Variants in ZDHHC2 observed in about 807,000 individuals in gnomAD.
The protein encoded by ZDHHC2 is palmitoyltransferase ZDHHC2.
ZDHHC2 carries 51 observed loss-of-function variants against 55.6 expected under a neutral mutation model. That is an observed-to-expected ratio of 0.92 (90% CI 0.73 to 1.16). ZDHHC2 has a LOEUF of 1.16. ZDHHC2 is among the 50% of genes most tolerant of loss of function. ZDHHC2 has a pLI of 0.00. For synonymous variants in ZDHHC2, 199 were observed against 152.9 expected (o/e 1.30, Z -2.22); for missense variants, 491 against 442.4 (o/e 1.11, Z -0.99).
At chr8:17,212,317 G>A (rs1807425910) in intron 10 of ZDHHC2, among the ~76,000 whole-genome samples, 1 of 152,180 alleles carries the variant, frequency 6.6e-6, no homozygotes, top group East Asian at 1.9e-4. Context: ...CAACTAAACA[G>A]GTTCAGAGCA....
intron 10 of ZDHHC2, among the ~76,000 whole-genome samples, chr8:17,214,659 A>G (rs143112606): frequency 2.2e-4 from 33 of 152,276 alleles, no homozygotes; most frequent in African/African-American, 7.9e-4. Context: ...ATGTAATCCT[A>G]GCACTTTGGG....
intron 1 of ZDHHC2, among the ~76,000 whole-genome samples, chr8:17,177,957 A>C (rs1805232424): frequency 6.6e-6 from 1 of 152,234 alleles, no homozygotes; most frequent in Non-Finnish European, 1.5e-5. Context: ...TTAAGAAAAT[A>C]AATGTTAAAA....
At chr8:17,172,578 C>G (rs1804913318) in intron 1 of ZDHHC2, among the ~76,000 whole-genome samples, 1 of 151,956 alleles carries the variant, frequency 6.6e-6, no homozygotes, top group African/African-American at 2.4e-5. Flanking sequence ...GAGTAGATCT[C>G]AAGTCTTCTT....
At chr8:17,199,562 T>TTCGTCTTCGTCTTCG in intron 6 of ZDHHC2, among the ~76,000 whole-genome samples, 1 of 80,786 alleles carries the variant, frequency 1.2e-5, no homozygotes, top group East Asian at 3.0e-4. Context: ...CGTCTTCGTC[T>TTCGTCTTCGTCTTCG]TCTTCGTCTT....
intron 5 of ZDHHC2, among the ~76,000 whole-genome samples, chr8:17,197,893 A>G (rs1025457144): frequency 6.6e-6 from 1 of 152,172 alleles, no homozygotes; most frequent in African/African-American, 2.4e-5. Flanking sequence ...AGCAGTTCTG[A>G]CTTGGCTGGT....
chr8:17,210,682 A>C (rs1807335239), intron 10 of ZDHHC2, among the ~76,000 whole-genome samples: 1 of 152,220 alleles, frequency 6.6e-6, no homozygotes, highest in South Asian at 2.1e-4. Context: ...GGTGTTATTA[A>C]TCTAAGTGTG....
intron 8 of ZDHHC2, among the ~76,000 whole-genome samples, chr8:17,209,030 C>T (rs192479088): frequency 6.6e-5 from 10 of 152,140 alleles, no homozygotes; most frequent in Admixed American, 5.9e-4. Flanking sequence ...AATCATTATA[C>T]CTCCATGTTC....
At chr8:17,185,962 C>T (rs1805685181) in intron 2 of ZDHHC2, among the ~76,000 whole-genome samples, 1 of 152,138 alleles carries the variant, frequency 6.6e-6, no homozygotes, top group Non-Finnish European at 1.5e-5. Context: ...GTTCTTAAAG[C>T]CTGAGTGTTT....
intron 1 of ZDHHC2, among the ~76,000 whole-genome samples, chr8:17,172,744 G>C (rs990512446): frequency 6.6e-5 from 10 of 152,136 alleles, no homozygotes; most frequent in Admixed American, 3.9e-4. Context: ...TTTTAGGAGT[G>C]TGCCTGTGTA....
chr8:17,184,644 C>T (rs954020301), intron 1 of ZDHHC2, 145 bp from the exon 2 acceptor site: 15 of 698,194 alleles, frequency 2.1e-5, no homozygotes, highest in Non-Finnish European at 3.5e-5. Flanking sequence ...GCTCACCTCT[C>T]CTCCAAATAA....
chr8:17,208,316 A>C lies in ZDHHC2; in HGVS notation c.730+224A>C, dbSNP rs1011263949. On this transcript the variant is annotated intron_variant, in intron 8 of 12. Transcript: ENST00000262096. ...TATGTATATATATATGAGACTATAT[A>C]TATATCTATATATAGATATATAGAT... 2.7e-5 allele frequency among the ~76,000 whole-genome samples: 4 copies of C among 149,690 alleles called. No homozygotes were observed. The East Asian group carries it at 5.8e-4, about 22-fold the overall frequency.
chr8:17,198,369 T>C lies in ZDHHC2; in HGVS notation c.444-12T>C. 2 of 1,600,608 alleles carry C rather than the reference T, an allele frequency of 1.2e-6. No homozygotes were observed. Among genetic ancestry groups the C allele is most frequent in the Admixed American group, 1.7e-5 (1 of 58,074 alleles). On this transcript the variant is annotated splice_polypyrimidine_tract_variant and intron_variant, in intron 5 of 12. Coordinates refer to ENST00000262096, the MANE Select transcript of ZDHHC2 (RefSeq NM_016353.5). Reference sequence around the variant, plus strand: ...TGGGGTATTAGGTTTTGTGTTCTGCTTTGTTTTTTAGATGTATTTTGAAGA... The same window carrying C: ...TGGGGTATTAGGTTTTGTGTTCTGCCTTGTTTTTTAGATGTATTTTGAAGA...
rs1807984641 is a variant in ZDHHC2, at chr8:17,222,992, G to A, written c.*2771G>A. On this transcript the variant is annotated 3_prime_UTR_variant, in exon 13 of 13. Coordinates refer to ENST00000262096, the MANE Select transcript of ZDHHC2 (RefSeq NM_016353.5). ...TCAATAGACAACTATTGGAAATATG[G>A]CATATGTTGACAAACACTTAACTAG... 1 of 151,724 alleles carries A rather than the reference G, an allele frequency of 6.6e-6. No individual in the cohort carries two copies. The highest frequency in any genetic ancestry group is 6.6e-5 in the Admixed American group (1 of 15,216). The allele number at this position is 151,724 out of a possible 1,614,324, so 9.4% of individuals were successfully genotyped here.
intron 1 of ZDHHC2, among the ~76,000 whole-genome samples, chr8:17,174,526 C>T (rs1198820551): frequency 2.6e-5 from 4 of 152,028 alleles, no homozygotes; most frequent in Admixed American, 1.3e-4. Context: ...AACACACAGT[C>T]ACTAGTTTTT....
At chr8:17,217,760 A>G (rs1305706446) in intron 12 of ZDHHC2, among the ~76,000 whole-genome samples, 1 of 152,114 alleles carries the variant, frequency 6.6e-6, no homozygotes, top group Non-Finnish European at 1.5e-5. Context: ...TTAAAATAAT[A>G]GGTGTTCCAA....
intron 1 of ZDHHC2, chr8:17,157,465 A>G (rs1309450765): frequency 1.3e-5 from 2 of 152,280 alleles, no homozygotes; most frequent in Admixed American, 6.5e-5. Flanking sequence ...ACACTAAACC[A>G]TAATTTAGGT....
intron 6 of ZDHHC2, among the ~76,000 whole-genome samples, chr8:17,202,480 G>A (rs1413802560): frequency 2.6e-5 from 4 of 152,106 alleles, no homozygotes; most frequent in Non-Finnish European, 5.9e-5. Context: ...CAGAAACAGG[G>A]CCAACAGCTG....
At chr8:17,190,816 A>G (rs1805986174) in intron 3 of ZDHHC2, among the ~76,000 whole-genome samples, 1 of 152,084 alleles carries the variant, frequency 6.6e-6, no homozygotes, top group South Asian at 2.1e-4. Context: ...TAAATTGGGT[A>G]TCAGTTACCA....
At chr8:17,203,514 G>A (rs1197115041) in intron 6 of ZDHHC2, among the ~76,000 whole-genome samples, 5 of 152,084 alleles carry the variant, frequency 3.3e-5, no homozygotes, top group South Asian at 2.1e-4. Context: ...GATTACAGGC[G>A]TCAGCCACCA....
Sources: gnomAD v4.1 joint callset for allele counts (sites outside exome capture counted in the v4.1 genomes callset) on GRCh38, gnomAD v4.1.1 for gene constraint, MANE v1.5 for transcripts, NCBI Gene and HGNC (gene_info 2026-07-23, HGNC 2026-07-21) for gene names.